ZNF407: variants seen among roughly 807,000 people sequenced by gnomAD.
The protein encoded by ZNF407 is zinc finger protein 407.
ZNF407 carries 17 observed loss-of-function variants against 131.2 expected under a neutral mutation model. The observed-to-expected ratio is 0.13, with a 90% CI of 0.09 to 0.19. The LOEUF is 0.19. Ranked by LOEUF, ZNF407 falls within the 10% of genes least tolerant of loss-of-function variation. The pLI, the probability that ZNF407 is intolerant of heterozygous loss-of-function variation, is 1.00. For synonymous variants in ZNF407, 1,156 were observed against 1,062.0 expected, an observed-to-expected ratio of 1.09 and a Z score of -1.72; for missense variants, 2,681 against 2,830.6, an observed-to-expected ratio of 0.95 and a Z score of 1.20.
intron 1 of ZNF407, among the ~76,000 whole-genome samples, chr18:74,617,116 C>G (rs1983343036): frequency 9.2e-6 from 1 of 109,164 alleles, no homozygotes; most frequent in Non-Finnish European, 1.9e-5. Flanking sequence ...TATCCACACA[C>G]CACACACATC....
chr18:74,906,861 GTGTATGTGTATATGTGCACACATAC>G (rs1223075022), intron 7 of ZNF407, among the ~76,000 whole-genome samples: 2 of 152,054 alleles, frequency 1.3e-5, no homozygotes, highest in Non-Finnish European at 2.9e-5. Context: ...TATTTTATGT[GTGTATGTGTATATGTGCACACATAC>G]TGTATGTGTA....
intron 8 of ZNF407, among the ~76,000 whole-genome samples, chr18:75,013,403 G>T (rs553257411): frequency 6.6e-6 from 1 of 152,184 alleles, no homozygotes; most frequent in Admixed American, 6.5e-5. Context: ...GCAAAGAAAA[G>T]AATCTCTACT....
At chr18:75,026,847 T>C (rs1000476146) in intron 8 of ZNF407, among the ~76,000 whole-genome samples, 2 of 152,200 alleles carry the variant, frequency 1.3e-5, no homozygotes, top group African/African-American at 4.8e-5. Context: ...CTGATCAAGT[T>C]GAGCTACAGT....
chr18:74,795,939 C>T (rs1224432149), intron 4 of ZNF407, among the ~76,000 whole-genome samples: 1 of 152,354 alleles, frequency 6.6e-6, no homozygotes, highest in South Asian at 2.1e-4. Flanking sequence ...TACCAGCCTC[C>T]CGCTGTGCAC....
At chr18:74,812,091 T>A (rs1382850703) in intron 4 of ZNF407, among the ~76,000 whole-genome samples, 6 of 152,160 alleles carry the variant, frequency 3.9e-5, no homozygotes, top group Non-Finnish European at 8.8e-5. Flanking sequence ...CTGTTAACTT[T>A]GTTTTAGGAA....
At chr18:74,799,908 T>TG (rs1432049234) in intron 4 of ZNF407, among the ~76,000 whole-genome samples, 1 of 151,632 alleles carries the variant, frequency 6.6e-6, no homozygotes, top group Non-Finnish European at 1.5e-5. Context: ...AAATCCTTTT[T>TG]TTTTTTTTTT....
intron 8 of ZNF407, among the ~76,000 whole-genome samples, chr18:74,929,189 C>T (rs957989920): frequency 6.6e-6 from 1 of 152,024 alleles, no homozygotes; most frequent in Non-Finnish European, 1.5e-5. Context: ...TATATTCTCC[C>T]CTTCCTTGAG....
chr18:74,681,302 C>G (rs1190241614), intron 3 of ZNF407, among the ~76,000 whole-genome samples: 2 of 152,006 alleles, frequency 1.3e-5, no homozygotes, highest in Admixed American at 1.3e-4. Flanking sequence ...GTGGTGTGAT[C>G]ATAGCTCACT....
Position 75,012,406 on chromosome 18 carries a change from C to CGTACACATAGTGTAT in ZNF407, c.5429-50743_5429-50729dup, listed in dbSNP as rs1568300567. On this transcript the variant is annotated intron_variant, in intron 8 of 8. Coordinates refer to ENST00000299687, the MANE Select transcript of ZNF407 (RefSeq NM_017757.3). ...ACATAGTGTATGTACACATAGTGTA[C>CGTACACATAGTGTAT]GTACACATAGTGTATAGCAGGCTCT... Among the ~76,000 whole-genome samples, 10 of 86,258 alleles carry CGTACACATAGTGTAT rather than the reference C, an allele frequency of 1.2e-4. 2 individuals are homozygous for CGTACACATAGTGTAT. The highest frequency in any genetic ancestry group is 2.5e-4 in the Non-Finnish European group (10 of 39,954). The allele number at this position is 86,258 out of a possible 152,430, so 56.6% of individuals were successfully genotyped here. A position where few individuals can be genotyped will look rare whatever the true frequency, so the allele number is the denominator to read the frequency against.
chr18:75,046,356 T>G (rs1368081772), intron 8 of ZNF407, among the ~76,000 whole-genome samples: 1 of 152,142 alleles, frequency 6.6e-6, no homozygotes, highest in Non-Finnish European at 1.5e-5. Flanking sequence ...AGAGGGAGCT[T>G]GCAGACATCG....
At chr18:74,842,960 G>T (rs925127827) in intron 4 of ZNF407, among the ~76,000 whole-genome samples, 1 of 152,008 alleles carries the variant, frequency 6.6e-6, no homozygotes, top group Non-Finnish European at 1.5e-5. Flanking sequence ...CAGATGACCT[G>T]CCCGTCTTGG....
At chr18:74,855,527 T>A (rs1970847474) in intron 4 of ZNF407, among the ~76,000 whole-genome samples, 1 of 152,206 alleles carries the variant, frequency 6.6e-6, no homozygotes, top group Non-Finnish European at 1.5e-5. Flanking sequence ...AATGTGAAAT[T>A]ACTATTACTT....
intron 7 of ZNF407, among the ~76,000 whole-genome samples, chr18:74,891,085 A>G (rs1971378617): frequency 6.6e-6 from 1 of 152,178 alleles, no homozygotes. Flanking sequence ...TCATCCTCTC[A>G]AGTACATGAT....
intron 8 of ZNF407, among the ~76,000 whole-genome samples, chr18:74,978,450 G>A (rs1972552399): frequency 6.6e-6 from 1 of 152,118 alleles, no homozygotes; most frequent in South Asian, 2.1e-4. Context: ...GACAAAGATG[G>A]AGGCAAGCAT....
At chr18:74,995,240 G>C (rs1019540530) in intron 8 of ZNF407, among the ~76,000 whole-genome samples, 1 of 152,192 alleles carries the variant, frequency 6.6e-6, no homozygotes, top group Non-Finnish European at 1.5e-5. Flanking sequence ...GGCGATTTGA[G>C]TGTGCCAGGA....
At chr18:74,746,836 A>T (rs945269070) in intron 3 of ZNF407, among the ~76,000 whole-genome samples, 1 of 152,198 alleles carries the variant, frequency 6.6e-6, no homozygotes, top group Non-Finnish European at 1.5e-5. Context: ...AGTAATGACA[A>T]AAAGTATTAT....
intron 3 of ZNF407, among the ~76,000 whole-genome samples, chr18:74,780,789 C>G (rs1969584334): frequency 6.6e-6 from 1 of 152,046 alleles, no homozygotes; most frequent in Non-Finnish European, 1.5e-5. Context: ...ACTGCTGATT[C>G]CTGTCCATTT....
At chr18:74,975,543 T>C (rs1972518596) in intron 8 of ZNF407, among the ~76,000 whole-genome samples, 1 of 152,212 alleles carries the variant, frequency 6.6e-6, no homozygotes. Flanking sequence ...AAAGGCAATA[T>C]TCATTGAAAG....
chr18:74,914,716 G>T (rs1971723507), intron 7 of ZNF407, among the ~76,000 whole-genome samples: 1 of 152,146 alleles, frequency 6.6e-6, no homozygotes, highest in Non-Finnish European at 1.5e-5. Flanking sequence ...AATGGACCCG[G>T]CTGCCTGAGT....
Sources: gnomAD v4.1 joint callset for allele counts (sites outside exome capture counted in the v4.1 genomes callset) on GRCh38, gnomAD v4.1.1 for gene constraint, MANE v1.5 for transcripts, NCBI Gene and HGNC (gene_info 2026-07-23, HGNC 2026-07-21) for gene names.